Variants in NCSTN observed in about 807,000 individuals in gnomAD.
NCSTN encodes nicastrin.
NCSTN carries 22 observed loss-of-function variants against 87.0 expected under a neutral mutation model. The observed-to-expected ratio is 0.25, with a 90% CI of 0.18 to 0.36. The LOEUF (loss-of-function observed/expected upper bound fraction) is 0.36, where lower values mean the gene tolerates loss of function less well. Among genes scored for constraint, NCSTN ranks in the 10% least tolerant of loss-of-function variants. The pLI, the probability that NCSTN is intolerant of heterozygous loss-of-function variation, is 1.00. For synonymous variants in NCSTN, 306 were observed against 327.1 expected (o/e 0.94, Z 0.69); for missense variants, 693 against 883.3 (o/e 0.78, Z 2.73).
In NCSTN at chr1:160,352,917, A is replaced by G; in HGVS notation, c.1027A>G (p.Met343Val). ...TTTTGACTACATTGGCAGCTCGAGG[A>G]TGGTCTACGATATGGAGAAGGGCAA... ...ETFDYIGSSR[M>V]VYDMEKGKFP... The change falls in exon 9 of 17, where the codon ATG (methionine) becomes GTG (valine). Residue 343 changes from methionine (M) to valine (V), a missense_variant. Around this residue, in one of 4 missense-constraint regions of NCSTN, gnomAD observed 134 missense variants for 226.0 expected, o/e 0.59. Coordinates refer to ENST00000294785, the MANE Select transcript of NCSTN (RefSeq NM_015331.3). The G allele has an allele frequency of 6.2e-7, 1 of 1,614,114 alleles. No individual in the cohort carries two copies. The highest frequency in any genetic ancestry group is 8.5e-7 in the Non-Finnish European group (1 of 1,180,014).
rs755179271 is a variant in NCSTN at position 160,343,471 on chromosome 1, C to T, written c.75C>T (p.Val25=). The T allele has an allele frequency of 2.9e-5, 46 of 1,609,652 alleles. No individual in the cohort carries two copies. Among genetic ancestry groups the T allele is most frequent in the Non-Finnish European group, 3.5e-5 (41 of 1,178,578 alleles). Residue 25 remains valine (V), a synonymous_variant, in exon 1 of 17, where the codon GTC becomes GTT. Transcript: ENST00000294785. The stretch of plus-strand genomic sequence containing the variant: ...TCCTTCGCCTTCTGTCTTTCTGCGT[C>T]CTACTAGCAGGTGAGGCCTCCCCGC... The part of the protein sequence containing the change: ...RGLLRLLSFC[V]LLAGLCRGNS...
rs772407803 is a variant in NCSTN at position 160,344,766 on chromosome 1, T to A, written c.130T>A (p.Leu44Ile). 1 of 1,614,060 alleles carries A rather than the reference T, an allele frequency of 6.2e-7. No homozygotes were observed. The highest frequency in any genetic ancestry group is 1.3e-5 in the African/African-American group (1 of 74,924). ...AGTGGAGAGGAAGATATATATCCCC[T>A]TAAATAAAACAGCTCCCTGTGTTCG... ...NSVERKIYIP[L>I]NKTAPCVRLL... The change falls in exon 2 of 17, where the codon TTA becomes ATA. Residue 44 changes from leucine to isoleucine, a missense_variant. Leu to Ile is a conservative substitution (Grantham distance 5). Around this residue, in one of 4 missense-constraint regions of NCSTN, gnomAD observed 235 missense variants for 233.9 expected, o/e 1.00. Transcript: ENST00000294785.
intron 1 of NCSTN, 70 bp downstream of exon 1, chr1:160,343,551 A>G (rs1648239362): frequency 2.1e-6 from 3 of 1,411,450 alleles, no homozygotes; most frequent in Non-Finnish European, 3.0e-6. Flanking sequence ...CGCGACCGCC[A>G]CTGTCTCCCT....
At position 160,358,213 on chromosome 1, in the gene NCSTN, A is replaced by T; in HGVS notation, c.2072A>T (p.Asn691Ile). ...TCCCTCATCGTCACCTACTGCATCA[A>T]TGCCAAAGCTGATGTCCTTTTCATT... ...IFSLIVTYCI[N>I]AKADVLFIAP... Residue 691 changes from asparagine (N) to isoleucine (I), a missense_variant, in exon 17 of 17, where the codon AAT becomes ATT. This residue lies in a region of NCSTN where 216 missense variants were observed against 311.7 expected (regional missense o/e 0.69). Coordinates refer to ENST00000294785, the MANE Select transcript of NCSTN (RefSeq NM_015331.3). 6.2e-7 allele frequency: 1 copy of T among 1,614,056 alleles called. No homozygotes were observed.
At chr1:160,354,941 C>T (rs1343976020) in intron 11 of NCSTN, among the ~76,000 whole-genome samples, 1 of 152,202 alleles carries the variant, frequency 6.6e-6, no homozygotes, top group Non-Finnish European at 1.5e-5. Context: ...ATTTCTGACC[C>T]CAGCCAAGTA....
At position 160,343,532 on chromosome 1, in the gene NCSTN, C is replaced by T. The variant is rs1024128917; in HGVS notation, c.85+51C>T. The T allele has an allele frequency of 1.7e-5, 26 of 1,516,114 alleles. No homozygotes were observed. The Middle Eastern group carries it at 7.3e-4, about 43-fold the overall frequency. The allele number at this position is 1,516,114 out of a possible 1,614,324, so 93.9% of individuals were successfully genotyped here. On this transcript the variant is annotated intron_variant, in intron 1 of 16. Transcript: ENST00000294785. ...CGTTCTCTAAGGGGAACTCTCGGAT[C>T]GGCCCCGCCGCGACCGCCACTGTCT...
At chr1:160,347,819 A>G (rs150341130) in intron 2 of NCSTN, among the ~76,000 whole-genome samples, 5,026 of 152,344 alleles carry the variant, frequency 0.033, 276 homozygotes, top group African/African-American at 0.12. Flanking sequence ...CATGTTGGCC[A>G]GGCTGGTCTC....
Position 160,343,439 on chromosome 1 carries a change from C to T in NCSTN, c.43C>T (p.Arg15Trp). 6.2e-7 allele frequency: 1 copy of T among 1,612,492 alleles called. No homozygotes were observed. The highest frequency in any genetic ancestry group is 1.1e-5 in the South Asian group (1 of 90,618). ...GGGSGADPGS[R>W]GLLRLLSFCV... ...TGGCTCTGGGGCTGACCCGGGAAGT[C>T]GGGGTCTCCTTCGCCTTCTGTCTTT... is the stretch of plus-strand genomic sequence containing the variant. Residue 15 changes from arginine (R) to tryptophan (W), a missense_variant, in exon 1 of 17, where the codon CGG (arginine) becomes TGG (tryptophan). Coordinates refer to ENST00000294785, the MANE Select transcript of NCSTN (RefSeq NM_015331.3).
chr1:160,350,769 T>G (rs541859943), intron 5 of NCSTN, among the ~76,000 whole-genome samples: 181 of 152,326 alleles, frequency 1.2e-3, no homozygotes, highest in Admixed American at 1.8e-3. Flanking sequence ...TTTCTGAGCT[T>G]CTTTTTAGCT....
chr1:160,354,084 C>A, intron 10 of NCSTN, 34 bp from the exon 11 acceptor site: 1 of 1,604,250 alleles, frequency 6.2e-7, no homozygotes, highest in Non-Finnish European at 8.5e-7. Context: ...CATCCCCCAG[C>A]CTCCCATCAG....
chr1:160,356,190 C>T, intron 13 of NCSTN, 70 bp from the exon 14 acceptor site: 3 of 1,354,830 alleles, frequency 2.2e-6, no homozygotes, highest in Non-Finnish European at 3.2e-6. Context: ...GACTGGGTCT[C>T]CACTGATAAT....
intron 1 of NCSTN, among the ~76,000 whole-genome samples, chr1:160,344,073 T>G (rs1648297501): frequency 6.6e-6 from 1 of 151,632 alleles, no homozygotes; most frequent in Non-Finnish European, 1.5e-5. Context: ...ATAATGTACT[T>G]AAGTGTTTGC....
At position 160,356,250 on chromosome 1, in the gene NCSTN, C is replaced by A; in HGVS notation, c.1552-10C>A. The A allele has an allele frequency of 1.2e-6, 2 of 1,600,224 alleles. No individual in the cohort carries two copies. Among genetic ancestry groups the A allele is most frequent in the Non-Finnish European group, 1.7e-6 (2 of 1,167,354 alleles). On this transcript the variant is annotated splice_polypyrimidine_tract_variant and intron_variant, in intron 13 of 16. Transcript: ENST00000294785. Reference sequence around the variant, plus strand: ...CACAGGGTTTTCTCTCTTTACTGTTCCAATCCTAGGTTACCCGCCTGCTCT... The same window carrying A: ...CACAGGGTTTTCTCTCTTTACTGTTACAATCCTAGGTTACCCGCCTGCTCT...
intron 15 of NCSTN, 95 bp downstream of exon 15, chr1:160,356,849 A>G: frequency 2.6e-6 from 4 of 1,532,458 alleles, no homozygotes; most frequent in South Asian, 2.3e-5. Flanking sequence ...GGGGATTGGG[A>G]TGGAGAGGTG....
chr1:160,354,902 G>C (rs949609875), intron 11 of NCSTN, among the ~76,000 whole-genome samples: 1 of 152,190 alleles, frequency 6.6e-6, no homozygotes, highest in African/African-American at 2.4e-5. Flanking sequence ...AGGGCCAAAT[G>C]AGTTTCGTAG....
chr1:160,344,081 T>G (rs140221878), intron 1 of NCSTN, among the ~76,000 whole-genome samples: 79 of 152,018 alleles, frequency 5.2e-4, no homozygotes, highest in African/African-American at 1.9e-3. Context: ...CTTAAGTGTT[T>G]GCTGATACGC....
intron 2 of NCSTN, among the ~76,000 whole-genome samples, chr1:160,345,604 G>T (rs1411864950): frequency 2.6e-5 from 4 of 152,110 alleles, no homozygotes; most frequent in Non-Finnish European, 4.4e-5. Context: ...ACCAAAATGG[G>T]CTAAAGGCAA....
At chr1:160,347,231 C>T (rs6668576) in intron 2 of NCSTN, among the ~76,000 whole-genome samples, 65,623 of 152,028 alleles carry the variant, frequency 0.43, 15,147 homozygotes, top group South Asian at 0.61. Context: ...AATCTTACTT[C>T]GTCATATCTG....
At chr1:160,355,102 T>C (rs1228558464) in intron 11 of NCSTN, among the ~76,000 whole-genome samples, 1 of 152,200 alleles carries the variant, frequency 6.6e-6, no homozygotes, top group Non-Finnish European at 1.5e-5. Flanking sequence ...TGACTTTGTG[T>C]GGGACAGGGA....
Sources: allele counts gnomAD v4.1 joint callset (sites outside exome capture counted in the v4.1 genomes callset), GRCh38; gene constraint gnomAD v4.1.1; regional missense constraint gnomAD v4.1.1; transcripts MANE v1.5; gene names NCBI Gene and HGNC (gene_info 2026-07-23, HGNC 2026-07-21).